The following NR6A1 variants were observed in gnomAD, a reference collection of about 807,000 sequenced individuals.
NR6A1 encodes retinoic acid receptor-related testis-associated receptor.
A neutral mutation model predicts 59.1 loss-of-function variants in NR6A1; 7 were observed. The observed-to-expected ratio is 0.12, with a 90% CI of 0.07 to 0.22. The LOEUF (loss-of-function observed/expected upper bound fraction) is 0.22, where lower values mean the gene tolerates loss of function less well. Among genes scored for constraint, NR6A1 ranks in the 10% least tolerant of loss-of-function variants. NR6A1 has a pLI of 1.00. For missense variants in NR6A1, 468 were observed against 611.6 expected, an observed-to-expected ratio of 0.77 and a Z score of 2.48; for synonymous variants, 243 against 236.1, an observed-to-expected ratio of 1.03 and a Z score of -0.27.
At chr9:124,557,596 C>T (rs1833965867) in intron 2 of NR6A1, among the ~76,000 whole-genome samples, 1 of 152,046 alleles carries the variant, frequency 6.6e-6, no homozygotes, top group African/African-American at 2.4e-5. Flanking sequence ...ATAAAGAAAG[C>T]TCAAGGTAAA....
chr9:124,675,246 C>G (rs1837919128), intron 2 of NR6A1, among the ~76,000 whole-genome samples: 1 of 152,144 alleles, frequency 6.6e-6, no homozygotes, highest in Non-Finnish European at 1.5e-5. Flanking sequence ...TGCTGACTTA[C>G]AAAGCAAACA....
chr9:124,547,356 A>G (rs1005718121), intron 3 of NR6A1, among the ~76,000 whole-genome samples: 1 of 152,198 alleles, frequency 6.6e-6, no homozygotes, highest in African/African-American at 2.4e-5. Context: ...GCTCCTTAGC[A>G]TGGCATTCAA....
chr9:124,662,085 T>C lies in NR6A1; in HGVS notation c.142+71223A>G, dbSNP rs529621017. Among the ~76,000 whole-genome samples the C allele has an allele frequency of 2.4e-4, 37 of 152,052 alleles. No individual in the cohort carries two copies. In the South Asian group the frequency reaches 7.7e-3, roughly 32 times the overall value. On this transcript the variant is annotated intron_variant, in intron 2 of 9. Transcript: ENST00000487099. ...AATACCTTTAAAAAAAAAAAAAGCA[T>C]TTGAAACCAAGGATGAGAAAAGAGG...
rs562908967 is a variant in NR6A1, at chr9:124,731,528, T to A, written c.142+1780A>T. On this transcript the variant is annotated intron_variant, in intron 2 of 9. Transcript: ENST00000487099. ...AGGTCCACTTCTACGCAGACTTTTT[T>A]CAATAAAAGTTATACCAGGTGTGCC... Among the ~76,000 whole-genome samples the A allele has an allele frequency of 3.3e-5, 5 of 152,260 alleles. No individual in the cohort carries two copies. The East Asian group carries it at 9.6e-4, about 29-fold the overall frequency.
Position 124,707,522 on chromosome 9 carries a change from T to C in NR6A1, c.142+25786A>G, listed in dbSNP as rs565060847. Among the ~76,000 whole-genome samples the C allele has an allele frequency of 1.1e-3, 173 of 152,230 alleles. 1 individual carries two copies. The highest frequency in any genetic ancestry group is 3.8e-3 in the African/African-American group (157 of 41,520). ...TCAGAGACAGTTTCTACTGTTTTTT[T>C]TTTTTTCTTTCCTTAGTATGGGTCA... is the stretch of plus-strand genomic sequence containing the variant. On this transcript the variant is annotated intron_variant, in intron 2 of 9. Coordinates refer to ENST00000487099, the MANE Select transcript of NR6A1 (RefSeq NM_033334.4).
chr9:124,646,703 A>G (rs1003220582), intron 2 of NR6A1, among the ~76,000 whole-genome samples: 1 of 152,210 alleles, frequency 6.6e-6, no homozygotes, highest in Admixed American at 6.5e-5. Context: ...ATGTTTTAAG[A>G]AAGTTTACGA....
chr9:124,598,351 TA>T (rs35509880), intron 2 of NR6A1, among the ~76,000 whole-genome samples: 3,103 of 129,590 alleles, frequency 0.024, 77 homozygotes, highest in African/African-American at 0.075. Context: ...CGTCCCTACT[TA>T]AAAAAAAAAA....
chr9:124,699,380 T>A (rs879868645), intron 2 of NR6A1, among the ~76,000 whole-genome samples: 13 of 152,194 alleles, frequency 8.5e-5, no homozygotes, highest in Non-Finnish European at 1.6e-4. Context: ...GGAAATATCA[T>A]TCACTCTAGG....
rs1415826672 is a variant in NR6A1 at position 124,522,005 on chromosome 9, T to A, written c.*700A>T. ...GGGCAGCAAGGTGTGAGAACAGAAA[T>A]TCTTCTGCCCTTAGGACTTGTTGGG... is the stretch of plus-strand genomic sequence containing the variant. On this transcript the variant is annotated 3_prime_UTR_variant, in exon 10 of 10. Transcript: ENST00000487099. 6.6e-6 allele frequency: 1 copy of A among 152,114 alleles called. No individual in the cohort carries two copies. Among genetic ancestry groups the A allele is most frequent in the Non-Finnish European group, 1.5e-5 (1 of 68,036 alleles). 9.4% of individuals were successfully genotyped at this position (152,114 alleles called of 1,614,324 possible).
chr9:124,768,392 T>C (rs77346441), intron 1 of NR6A1, among the ~76,000 whole-genome samples: 3,126 of 152,334 alleles, frequency 0.021, 105 homozygotes, highest in African/African-American at 0.071. Context: ...CATTGTTCCA[T>C]AGGCAAACTT....
At chr9:124,523,001 C>T (rs1832836650) in intron 9 of NR6A1, among the ~76,000 whole-genome samples, 1 of 152,046 alleles carries the variant, frequency 6.6e-6, no homozygotes, top group Non-Finnish European at 1.5e-5. Flanking sequence ...AGTAATGGTG[C>T]CAACTCATCA....
chr9:124,708,296 T>C (rs976649763), intron 2 of NR6A1, among the ~76,000 whole-genome samples: 6 of 152,200 alleles, frequency 3.9e-5, no homozygotes, highest in African/African-American at 1.4e-4. Flanking sequence ...CCCACCCTGG[T>C]TGAACTACTG....
intron 2 of NR6A1, among the ~76,000 whole-genome samples, chr9:124,572,194 G>A (rs1834456688): frequency 6.6e-6 from 1 of 152,146 alleles, no homozygotes; most frequent in African/African-American, 2.4e-5. Context: ...TTAGGCAGGT[G>A]CCAAAACACT....
At chr9:124,761,798 G>C (rs1011688868) in intron 1 of NR6A1, among the ~76,000 whole-genome samples, 2 of 152,142 alleles carry the variant, frequency 1.3e-5, no homozygotes, top group African/African-American at 4.8e-5. Flanking sequence ...TCTGTTGTCA[G>C]ATTTATTTCC....
chr9:124,744,904 CAAAG>C (rs1840280920), intron 1 of NR6A1, among the ~76,000 whole-genome samples: 2 of 152,114 alleles, frequency 1.3e-5, no homozygotes, highest in Non-Finnish European at 2.9e-5. Context: ...CAGATACCAC[CAAAG>C]AGATGTCCCA....
chr9:124,590,913 C>T (rs1835100236), intron 2 of NR6A1, among the ~76,000 whole-genome samples: 1 of 152,218 alleles, frequency 6.6e-6, no homozygotes, highest in South Asian at 2.1e-4. Flanking sequence ...ATCCCCCTCT[C>T]CATTTTCTTC....
At position 124,519,404 on chromosome 9, in the gene NR6A1, C is replaced by T. The variant is rs935934687; in HGVS notation, c.*3301G>A. The T allele has an allele frequency of 6.6e-6, 1 of 152,172 alleles. No individual in the cohort carries two copies. The highest frequency in any genetic ancestry group is 1.5e-5 in the Non-Finnish European group (1 of 68,048). The allele number at this position is 152,172 out of a possible 1,614,324, so 9.4% of individuals were successfully genotyped here. A position where few individuals can be genotyped will look rare whatever the true frequency, so the allele number is the denominator to read the frequency against. On this transcript the variant is annotated 3_prime_UTR_variant, in exon 10 of 10. Transcript: ENST00000487099. ...GAATTTCTCCAGATTAACGACGAGA[C>T]CACCAAACCTTGCAAAGGACTCCAA...
intron 3 of NR6A1, among the ~76,000 whole-genome samples, chr9:124,547,875 T>C (rs890657698): frequency 6.6e-6 from 1 of 152,160 alleles, no homozygotes; most frequent in African/African-American, 2.4e-5. Flanking sequence ...TTTCCTGAAG[T>C]GGCTTCTAGA....
chr9:124,668,699 C>G (rs1357064054), intron 2 of NR6A1, among the ~76,000 whole-genome samples: 1 of 152,164 alleles, frequency 6.6e-6, no homozygotes, highest in Non-Finnish European at 1.5e-5. Flanking sequence ...TTGTAGATAT[C>G]TGGATGGTTT....
Sources: allele counts gnomAD v4.1 joint callset (sites outside exome capture counted in the v4.1 genomes callset), GRCh38; gene constraint gnomAD v4.1.1; transcripts MANE v1.5; gene names NCBI Gene and HGNC (gene_info 2026-07-23, HGNC 2026-07-21).